ARHGAP21: variants seen among roughly 807,000 people sequenced by gnomAD.
ARHGAP21 encodes the protein rho GTPase-activating protein 21.
A neutral mutation model predicts 164.6 loss-of-function variants in ARHGAP21; 38 were observed. The ratio of observed to expected loss-of-function variants is 0.23; its 90% CI spans 0.18 to 0.30. The LOEUF (loss-of-function observed/expected upper bound fraction) is 0.30. Ranked by LOEUF, ARHGAP21 falls within the 10% of genes least tolerant of loss-of-function variation. The probability of loss-of-function intolerance (pLI) is 1.00; values close to 1 mark genes in which losing one functional copy is unlikely to be tolerated. For missense variants in ARHGAP21, 1,822 were observed against 2,370.7 expected (o/e 0.77, Z 4.81); for synonymous variants, 766 against 857.9 (o/e 0.89, Z 1.87).
At chr10:24,674,938 CTGAG>C (rs1237167636) in intron 2 of ARHGAP21, among the ~76,000 whole-genome samples, 2 of 152,174 alleles carry the variant, frequency 1.3e-5, no homozygotes, top group Non-Finnish European at 2.9e-5. Flanking sequence ...ACTAACCATA[CTGAG>C]TGTTGGTCAG....
At chr10:24,710,577 A>G (rs1163760425) in intron 2 of ARHGAP21, among the ~76,000 whole-genome samples, 1 of 103,130 alleles carries the variant, frequency 9.7e-6, no homozygotes, top group Non-Finnish European at 1.9e-5. Flanking sequence ...GAACCAGACT[A>G]TGTCTGTATT....
At chr10:24,665,773 T>C (rs1470837154) in intron 4 of ARHGAP21, among the ~76,000 whole-genome samples, 1 of 152,164 alleles carries the variant, frequency 6.6e-6, no homozygotes, top group East Asian at 1.9e-4. Flanking sequence ...CGTATGACCT[T>C]GAACTAGGGA....
intron 2 of ARHGAP21, among the ~76,000 whole-genome samples, chr10:24,690,760 G>A (rs966121229): frequency 3.3e-5 from 5 of 151,558 alleles, no homozygotes; most frequent in Non-Finnish European, 7.4e-5. Flanking sequence ...CCCAGGAGGT[G>A]GAGGTTGCAG....
rs371350723 is a variant in ARHGAP21, at chr10:24,589,286, G to C, written c.4167C>G (p.Asp1389Glu). ...PGDVSDSATS[D>E]STKSKGSWGS... The stretch of plus-strand genomic sequence containing the variant: ...AACAATTTACCTTAGATTTTGTTGA[G>C]TCACTAGTAGCTGAATCTGTGAAAA... The change falls in exon 25 of 26, where the codon GAC becomes GAG. Residue 1389 changes from aspartate (D) to glutamate (E), a missense_variant. Asp to Glu is a conservative substitution (Grantham distance 45, BLOSUM62 2). Around this residue, in one of 5 missense-constraint regions of ARHGAP21, gnomAD observed 333 missense variants for 383.9 expected, o/e 0.87. Coordinates refer to ENST00000396432, the MANE Select transcript of ARHGAP21 (RefSeq NM_020824.4). 7 of 1,608,016 alleles carry C rather than the reference G, an allele frequency of 4.4e-6. No individual in the cohort carries two copies. The African/African-American group carries it at 9.4e-5, about 22-fold the overall frequency.
intron 2 of ARHGAP21, among the ~76,000 whole-genome samples, chr10:24,704,289 C>CTTTTTT (rs201080039): frequency 6.7e-4 from 85 of 125,946 alleles, no homozygotes; most frequent in African/African-American, 1.5e-3. Flanking sequence ...TTTTTCTTTT[C>CTTTTTT]TTTTTTTTTT....
In ARHGAP21 at chr10:24,607,915, AAGG is replaced by A. The variant is rs769150785; in HGVS notation, c.2423-15_2423-13del. The stretch of plus-strand genomic sequence containing the variant: ...GCTAGTTGGTTCATCTGTAAGAAAA[AAGG>A]AAAATCAGAATGTTCAATGACCTAA... On this transcript the variant is annotated splice_polypyrimidine_tract_variant and intron_variant, in intron 9 of 25. Transcript: ENST00000396432. 2.5e-6 allele frequency: 4 copies of A among 1,581,908 alleles called. No homozygotes were observed. The highest frequency in any genetic ancestry group is 3.4e-6 in the Non-Finnish European group (4 of 1,165,044).
At chr10:24,704,127 A>G (rs1843975472) in intron 2 of ARHGAP21, among the ~76,000 whole-genome samples, 2 of 152,132 alleles carry the variant, frequency 1.3e-5, no homozygotes, top group South Asian at 2.1e-4. Context: ...CTATTGTCTA[A>G]CCCCTGACTG....
chr10:24,669,615 C>T (rs1440548857), intron 3 of ARHGAP21, among the ~76,000 whole-genome samples: 3 of 152,140 alleles, frequency 2.0e-5, no homozygotes, highest in Non-Finnish European at 2.9e-5. Context: ...AGGATTCTGG[C>T]GTGGATAAAG....
In ARHGAP21 at chr10:24,663,615, G is replaced by C. The variant is rs530246923; in HGVS notation, c.268+3370C>G. On this transcript the variant is annotated intron_variant, in intron 4 of 25. Coordinates refer to ENST00000396432, the MANE Select transcript of ARHGAP21 (RefSeq NM_020824.4). ...GCAATCTTGGCTCACTGCAACCTCC[G>C]CCTCCCAGGTTCAAGCGATTCTCCT... 2.2e-4 allele frequency among the ~76,000 whole-genome samples: 33 copies of C among 152,216 alleles called. No individual in the cohort carries two copies. The East Asian group carries it at 6.2e-3, about 29-fold the overall frequency.
At chr10:24,722,968 C>T (rs915159518) in intron 1 of ARHGAP21, among the ~76,000 whole-genome samples, 1 of 152,140 alleles carries the variant, frequency 6.6e-6, no homozygotes, top group Admixed American at 6.5e-5. Context: ...CTCGACACGG[C>T]TTCCCTTCCC....
intron 2 of ARHGAP21, among the ~76,000 whole-genome samples, chr10:24,707,902 A>G (rs1335841): frequency 0.81 from 123,111 of 152,128 alleles, 49,978 homozygotes; most frequent in African/African-American, 0.87. Context: ...AGGACTAACA[A>G]AAGCACCTTT....
chr10:24,596,509 TAC>T lies in ARHGAP21; in HGVS notation c.3477+229_3477+230del, dbSNP rs766607524. The stretch of plus-strand genomic sequence containing the variant: ...AACACACGATTTGAAGACGAATTCT[TAC>T]AGACCATTTCAGACAAATTCCTAAT... On this transcript the variant is annotated intron_variant, in intron 17 of 25. Transcript: ENST00000396432. 174 of 588,562 alleles carry T rather than the reference TAC, an allele frequency of 3.0e-4. 1 individual carries two copies. Among genetic ancestry groups the T allele is most frequent in the Middle Eastern group, 2.3e-3 (5 of 2,222 alleles). The allele number at this position is 588,562 out of a possible 1,614,324, so 36.5% of individuals were successfully genotyped here. A position where few individuals can be genotyped will look rare whatever the true frequency, so the allele number is the denominator to read the frequency against.
chr10:24,721,732 C>A, intron 2 of ARHGAP21, 105 bp downstream of exon 2: 1 of 1,339,760 alleles, frequency 7.5e-7, no homozygotes, highest in Non-Finnish European at 1.0e-6. Context: ...CTCAAAGCCC[C>A]GGGAAGCCCC....
At chr10:24,719,738 C>T (rs1293489370) in intron 2 of ARHGAP21, among the ~76,000 whole-genome samples, 1 of 152,090 alleles carries the variant, frequency 6.6e-6, no homozygotes, top group East Asian at 1.9e-4. Context: ...TAAATATCAG[C>T]CCAAAGTATT....
intron 2 of ARHGAP21, among the ~76,000 whole-genome samples, chr10:24,715,392 G>A (rs1414438096): frequency 6.6e-6 from 1 of 151,962 alleles, no homozygotes; most frequent in African/African-American, 2.4e-5. Flanking sequence ...CCATATACTA[G>A]CCATTCGTTT....
At chr10:24,587,765 G>A (rs959370176) in intron 25 of ARHGAP21, among the ~76,000 whole-genome samples, 9 of 152,116 alleles carry the variant, frequency 5.9e-5, no homozygotes, top group African/African-American at 2.2e-4. Context: ...AGATTATACT[G>A]TCTTTCAGAT....
Position 24,621,000 on chromosome 10 carries a change from C to T in ARHGAP21, c.895G>A (p.Glu299Lys), listed in dbSNP as rs1329220902. 1.2e-6 allele frequency: 2 copies of T among 1,613,890 alleles called. No individual in the cohort carries two copies. The highest frequency in any genetic ancestry group is 2.7e-5 in the African/African-American group (2 of 74,938). The change falls in exon 9 of 26, where the codon GAA (glutamate) becomes AAA (lysine). Residue 299 changes from glutamate to lysine, a missense_variant. By Grantham distance (56) the Glu-to-Lys change is moderately conservative. Around this residue, in one of 5 missense-constraint regions of ARHGAP21, gnomAD observed 1,090 missense variants for 1,378.9 expected, o/e 0.79. Coordinates refer to ENST00000396432, the MANE Select transcript of ARHGAP21 (RefSeq NM_020824.4). ...NNHTGPSHRT[E>K]EVRYGVSEQT... is the part of the protein sequence containing the mutation. ...TCACTCACGCCATACCTCACTTCTT[C>T]AGTTCTATGTGAAGGACCTGTATGG...
chr10:24,604,421 A>G lies in ARHGAP21; in HGVS notation c.2685-73T>C, dbSNP rs1331589616. On this transcript the variant is annotated intron_variant, in intron 11 of 25. Coordinates refer to ENST00000396432, the MANE Select transcript of ARHGAP21 (RefSeq NM_020824.4). ...TCTTAAAGATGTAAGAATAATTTGA[A>G]TATTACAATTACTCTTTCAATAATA... The G allele has an allele frequency of 3.9e-6, 4 of 1,012,730 alleles. No homozygotes were observed. The African/African-American group carries it at 4.9e-5, about 13-fold the overall frequency. 62.7% of individuals were successfully genotyped at this position (1,012,730 alleles called of 1,614,324 possible).
rs147870484 is a variant in ARHGAP21 at position 24,665,164 on chromosome 10, T to C, written c.268+1821A>G. Among the ~76,000 whole-genome samples the C allele has an allele frequency of 3.0e-3, 452 of 152,254 alleles. 3 individuals carry two copies. Among genetic ancestry groups the C allele is most frequent in the Admixed American group, 6.5e-3 (99 of 15,282 alleles). ...TTCCCTTTCCCCACTAAGGCTTATT[T>C]CTAACCCATGCCAAGTAGCATTTGG... is the stretch of plus-strand genomic sequence containing the variant. On this transcript the variant is annotated intron_variant, in intron 4 of 25. Coordinates refer to ENST00000396432, the MANE Select transcript of ARHGAP21 (RefSeq NM_020824.4).
Sources: allele counts gnomAD v4.1 joint callset (sites outside exome capture counted in the v4.1 genomes callset), GRCh38; gene constraint gnomAD v4.1.1; regional missense constraint gnomAD v4.1.1; transcripts MANE v1.5; gene names NCBI Gene and HGNC (gene_info 2026-07-23, HGNC 2026-07-21).